The following NDUFA10 variants were observed in gnomAD, a reference collection of about 807,000 sequenced individuals.
NDUFA10 encodes NADH dehydrogenase [ubiquinone] 1 alpha subcomplex subunit 10, mitochondrial.
A neutral mutation model predicts 47.8 loss-of-function variants in NDUFA10; 40 were observed. The observed-to-expected ratio is 0.84, with a 90% confidence interval of 0.65 to 1.09. NDUFA10 has a LOEUF of 1.09. Among genes scored for constraint, NDUFA10 ranks in the 50% least tolerant of loss-of-function variants. The pLI, the probability that NDUFA10 is intolerant of heterozygous loss-of-function variation, is 0.00. For missense variants in NDUFA10, 413 were observed against 451.1 expected, an observed-to-expected ratio of 0.92 and a Z score of 0.76; for synonymous variants, 183 against 172.2, an observed-to-expected ratio of 1.06 and a Z score of -0.49.
intron 5 of NDUFA10, chr2:240,012,803 A>G (rs1158117941): frequency 1.3e-5 from 2 of 152,220 alleles, no homozygotes; most frequent in African/African-American, 4.8e-5. Flanking sequence ...AAAAGGGGGA[A>G]AGGCAGTAAT....
intron 4 of NDUFA10, among the ~76,000 whole-genome samples, chr2:239,911,109 C>T (rs1025570958): frequency 1.3e-5 from 2 of 152,210 alleles, no homozygotes; most frequent in African/African-American, 2.4e-5. Context: ...GCTGGGGCCT[C>T]GTTCCTGCCA....
chr2:240,003,249 G>A (rs1559379455), intron 8 of NDUFA10, among the ~76,000 whole-genome samples: 1 of 152,242 alleles, frequency 6.6e-6, no homozygotes, highest in East Asian at 1.9e-4. Context: ...GGAGACTACT[G>A]TATCACTCAC....
At chr2:240,000,736 T>C (rs1438873224) in intron 8 of NDUFA10, among the ~76,000 whole-genome samples, 1 of 152,204 alleles carries the variant, frequency 6.6e-6, no homozygotes, top group Non-Finnish European at 1.5e-5. Flanking sequence ...TTATACCATA[T>C]TATTTTTTAT....
chr2:239,977,373 C>T (rs369517453), intron 9 of NDUFA10, among the ~76,000 whole-genome samples: 1 of 152,162 alleles, frequency 6.6e-6, no homozygotes, highest in Non-Finnish European at 1.5e-5. Flanking sequence ...TCTAACTCGC[C>T]CCTGACACTG....
At chr2:239,934,714 T>C (rs1179249443) in intron 4 of NDUFA10, among the ~76,000 whole-genome samples, 1 of 152,194 alleles carries the variant, frequency 6.6e-6, no homozygotes, top group Non-Finnish European at 1.5e-5. Context: ...TCAGCTGCGA[T>C]TGTCTGTCCT....
chr2:239,924,451 T>C (rs1026744644), intron 4 of NDUFA10, among the ~76,000 whole-genome samples: 1 of 151,978 alleles, frequency 6.6e-6, no homozygotes, highest in African/African-American at 2.4e-5. Flanking sequence ...ACTCACATTA[T>C]CATATCAATT....
intron 6 of NDUFA10, among the ~76,000 whole-genome samples, chr2:240,009,709 T>C (rs912814545): frequency 6.6e-6 from 1 of 152,260 alleles, no homozygotes; most frequent in Non-Finnish European, 1.5e-5. Context: ...AGCCATCATC[T>C]TGTCAGGTCA....
chr2:239,905,262 C>T (rs1421316291), intron 4 of NDUFA10, among the ~76,000 whole-genome samples: 1 of 152,184 alleles, frequency 6.6e-6, no homozygotes, highest in Non-Finnish European at 1.5e-5. Context: ...CTTCCTTGGC[C>T]ACCACATGGA....
chr2:239,923,477 G>A (rs1694021197), intron 4 of NDUFA10, among the ~76,000 whole-genome samples: 1 of 152,028 alleles, frequency 6.6e-6, no homozygotes, highest in African/African-American at 2.4e-5. Context: ...AAAGATAACA[G>A]GAGTATCTCA....
intron 2 of NDUFA10, 139 bp downstream of exon 2, chr2:240,022,032 AC>A (rs1339572609): frequency 3.1e-5 from 21 of 679,718 alleles, no homozygotes; most frequent in Non-Finnish European, 4.2e-5. Context: ...TTTTCAATAA[AC>A]AAAAATGTGA....
rs1694109892 is a variant in NDUFA10, at chr2:239,928,916, G to A, written c.295-33602C>T. ...ACTCCGAAACGCTTTGTCTCCCATCGCCCCGCGGCCACCCGGATCCCACTC... is the reference window on the plus strand; with the variant it reads ...ACTCCGAAACGCTTTGTCTCCCATCACCCCGCGGCCACCCGGATCCCACTC... On this transcript the variant is annotated intron_variant, in intron 4 of 5. Transcript: ENST00000419408. The surrounding 1 kb of genome is among the most constrained non-coding windows in gnomAD (Gnocchi z 4.3). 6.6e-6 allele frequency among the ~76,000 whole-genome samples: 1 copy of A among 152,074 alleles called. No individual in the cohort carries two copies. The highest frequency in any genetic ancestry group is 1.5e-5 in the Non-Finnish European group (1 of 68,018).
chr2:239,900,855 C>T (rs1693531329), intron 4 of NDUFA10, among the ~76,000 whole-genome samples: 1 of 152,236 alleles, frequency 6.6e-6, no homozygotes, highest in Non-Finnish European at 1.5e-5. Context: ...GAGGTTGACT[C>T]AGGAGGCTGA....
intron 4 of NDUFA10, among the ~76,000 whole-genome samples, chr2:239,915,332 A>AGATACAAACACACACACACACAGAGC (rs1289947844): frequency 1.5e-5 from 2 of 133,892 alleles, no homozygotes; most frequent in African/African-American, 5.8e-5. Context: ...ACACACAGAG[A>AGATACAAACACACACACACACAGAGC]ACGAAGACAT....
intron 4 of NDUFA10, among the ~76,000 whole-genome samples, chr2:239,920,723 G>A (rs565909675): frequency 2.6e-5 from 4 of 152,178 alleles, no homozygotes; most frequent in Non-Finnish European, 5.9e-5. Context: ...GGCCTTTTGC[G>A]TGACGGCGAT....
chr2:239,984,517 A>T (rs1186859015), intron 9 of NDUFA10, among the ~76,000 whole-genome samples: 2 of 152,228 alleles, frequency 1.3e-5, no homozygotes. Flanking sequence ...CAAGCCCAAT[A>T]TCATATATTC....
At chr2:240,008,470 C>T (rs576319911) in intron 6 of NDUFA10, among the ~76,000 whole-genome samples, 4 of 152,298 alleles carry the variant, frequency 2.6e-5, no homozygotes, top group South Asian at 4.1e-4. Flanking sequence ...ATTGTTAATA[C>T]GAAGAGAAAG....
intron 4 of NDUFA10, among the ~76,000 whole-genome samples, chr2:239,937,983 C>T (rs140557675): frequency 6.6e-6 from 1 of 152,284 alleles, no homozygotes; most frequent in Non-Finnish European, 1.5e-5. Context: ...GGTTTAAATC[C>T]TTGGAGAGCA....
intron 4 of NDUFA10, among the ~76,000 whole-genome samples, chr2:239,943,680 T>C (rs1169527400): frequency 6.6e-6 from 1 of 152,208 alleles, no homozygotes; most frequent in Non-Finnish European, 1.5e-5. Flanking sequence ...CTCATAAGAA[T>C]GTGCCTGATT....
In NDUFA10 at chr2:240,014,673, AG is replaced by A. The variant is rs34961080; in HGVS notation, c.669+65del. 17,141 of 1,607,584 alleles carry A rather than the reference AG, an allele frequency of 0.011. 119 individuals are homozygous for A. The highest frequency in any genetic ancestry group is 0.013 in the Middle Eastern group (78 of 6,048). ...GAATTAGTATAAATGCTATTAAAAC[AG>A]GGCTTTTAGTGCTGATCTACATTCA... On this transcript the variant is annotated intron_variant, in intron 5 of 9. Coordinates refer to ENST00000252711, the MANE Select transcript of NDUFA10 (RefSeq NM_004544.4).
Sources: gnomAD v4.1 joint callset for allele counts (sites outside exome capture counted in the v4.1 genomes callset) on GRCh38, gnomAD v4.1.1 for gene constraint, Gnocchi (gnomAD v3.1) non-coding constraint, MANE v1.5 for transcripts, NCBI Gene and HGNC (gene_info 2026-07-23, HGNC 2026-07-21) for gene names.